RBFOX1: variants seen among roughly 807,000 people sequenced by gnomAD.
RBFOX1 encodes the protein RNA binding protein fox-1 homolog 1.
RBFOX1 carries 8 observed loss-of-function variants against 57.7 expected under a neutral mutation model. That is an observed-to-expected ratio of 0.14 (90% CI 0.08 to 0.25). The LOEUF is 0.25. Ranked by LOEUF, RBFOX1 falls within the 10% of genes least tolerant of loss-of-function variation. The probability of loss-of-function intolerance (pLI) is 1.00; values close to 1 mark genes in which losing one functional copy is unlikely to be tolerated. For synonymous variants in RBFOX1, 326 were observed against 222.4 expected, an observed-to-expected ratio of 1.47 and a Z score of -4.15; for missense variants, 611 against 548.5, an observed-to-expected ratio of 1.11 and a Z score of -1.14.
chr16:7,220,025 C>T (rs1193804134), intron 4 of RBFOX1, among the ~76,000 whole-genome samples: 2 of 152,122 alleles, frequency 1.3e-5, no homozygotes, highest in African/African-American at 4.8e-5. Flanking sequence ...ATTAAGCCTT[C>T]ATTTTAAAAT....
intron 3 of RBFOX1, among the ~76,000 whole-genome samples, chr16:6,662,524 G>C (rs911968946): frequency 6.6e-6 from 1 of 152,142 alleles, no homozygotes; most frequent in Non-Finnish European, 1.5e-5. Context: ...TTAGATTTCA[G>C]GTGGCAAATG....
At chr16:6,763,293 A>C (rs535963656) in intron 3 of RBFOX1, among the ~76,000 whole-genome samples, 26 of 151,086 alleles carry the variant, frequency 1.7e-4, no homozygotes, top group Non-Finnish European at 3.5e-4. Flanking sequence ...AAGCAAAGTC[A>C]TTGGAAAAAC....
At chr16:7,023,013 G>A (rs942072230) in intron 3 of RBFOX1, among the ~76,000 whole-genome samples, 1 of 152,180 alleles carries the variant, frequency 6.6e-6, no homozygotes, top group African/African-American at 2.4e-5. Flanking sequence ...GGCATTTAAT[G>A]TGAAGGTTGA....
intron 3 of RBFOX1, among the ~76,000 whole-genome samples, chr16:7,020,405 G>C (rs1392605906): frequency 1.3e-5 from 2 of 152,012 alleles, no homozygotes; most frequent in Non-Finnish European, 1.5e-5. Context: ...AGTTTTAGTA[G>C]AGATGAGGTT....
chr16:5,420,270 A>C (rs906846912), intron 1 of RBFOX1, among the ~76,000 whole-genome samples: 1 of 152,214 alleles, frequency 6.6e-6, no homozygotes, highest in African/African-American at 2.4e-5. Context: ...TGGTTGTTTT[A>C]GGTAACCAGG....
intron 3 of RBFOX1, among the ~76,000 whole-genome samples, chr16:6,669,852 G>T (rs1295553550): frequency 6.6e-6 from 1 of 152,206 alleles, no homozygotes; most frequent in East Asian, 1.9e-4. Context: ...CAGGCAGGCA[G>T]ATCTGATGGA....
chr16:6,348,148 G>A (rs1159702434), intron 2 of RBFOX1, among the ~76,000 whole-genome samples: 1 of 152,138 alleles, frequency 6.6e-6, no homozygotes, highest in African/African-American at 2.4e-5. Context: ...CTTTGCTCTT[G>A]GTTTTGAGCA....
intron 4 of RBFOX1, among the ~76,000 whole-genome samples, chr16:7,517,945 A>G (rs1034215812): frequency 1.3e-5 from 2 of 152,056 alleles, no homozygotes; most frequent in African/African-American, 4.8e-5. Flanking sequence ...CTGCATCTGT[A>G]AAATGGGGAG....
intron 3 of RBFOX1, among the ~76,000 whole-genome samples, chr16:6,712,391 T>A (rs569429368): frequency 6.6e-6 from 1 of 152,258 alleles, no homozygotes; most frequent in Non-Finnish European, 1.5e-5. Context: ...AACTAGATAA[T>A]CTGCCTAATG....
chr16:5,240,560 G>A (rs2062140202), intron 1 of RBFOX1, among the ~76,000 whole-genome samples: 1 of 152,194 alleles, frequency 6.6e-6, no homozygotes, highest in Non-Finnish European at 1.5e-5. Flanking sequence ...CGGGCTGGCG[G>A]CGCTCACCCA....
At chr16:5,407,629 A>T (rs574155464) in intron 1 of RBFOX1, among the ~76,000 whole-genome samples, 1 of 152,032 alleles carries the variant, frequency 6.6e-6, no homozygotes, top group Non-Finnish European at 1.5e-5. Flanking sequence ...GCTTACTGCA[A>T]CCTCTGGCTC....
intron 3 of RBFOX1, among the ~76,000 whole-genome samples, chr16:6,931,099 A>C (rs2076430494): frequency 6.6e-6 from 1 of 152,138 alleles, no homozygotes; most frequent in South Asian, 2.1e-4. Flanking sequence ...TATTGAATAA[A>C]TACTTATTGA....
intron 3 of RBFOX1, among the ~76,000 whole-genome samples, chr16:6,816,908 C>A (rs1052490345): frequency 6.6e-5 from 10 of 151,484 alleles, no homozygotes; most frequent in African/African-American, 2.4e-4. Flanking sequence ...CCATGCCTAG[C>A]TGTTTTTTTT....
chr16:6,864,027 C>G (rs1474597963), intron 3 of RBFOX1, among the ~76,000 whole-genome samples: 1 of 145,226 alleles, frequency 6.9e-6, no homozygotes, highest in African/African-American at 2.5e-5. Flanking sequence ...CCTTGCAAAA[C>G]CTCTAATTAA....
At chr16:6,026,353 G>A (rs1173996850) in intron 1 of RBFOX1, among the ~76,000 whole-genome samples, 2 of 152,218 alleles carry the variant, frequency 1.3e-5, no homozygotes, top group African/African-American at 4.8e-5. Flanking sequence ...TTTGAGGTTA[G>A]TGCTTTTCAG....
chr16:5,726,842 C>G (rs1678108001), intron 3 of RBFOX1, among the ~76,000 whole-genome samples: 4 of 152,142 alleles, frequency 2.6e-5, no homozygotes, highest in Admixed American at 2.6e-4. Flanking sequence ...AGCTTGGTGT[C>G]TCAGCTACAA....
chr16:6,442,559 A>T (rs956266829), intron 2 of RBFOX1, among the ~76,000 whole-genome samples: 2 of 135,612 alleles, frequency 1.5e-5, no homozygotes, highest in Admixed American at 1.4e-4. Flanking sequence ...AGAAAATAAA[A>T]AAAAAAGAAA....
intron 1 of RBFOX1, among the ~76,000 whole-genome samples, chr16:6,137,365 C>G (rs9940184): frequency 1.2e-3 from 190 of 152,192 alleles, no homozygotes; most frequent in African/African-American, 4.3e-3. Context: ...AGTGTAGTGG[C>G]GTGATCCCGG....
rs114320563 is a variant in RBFOX1 at position 5,341,734 on chromosome 16, G to A, written c.219+101629G>A. ...ATGCATCATACAGCTGGCCTTGACC[G>A]AGCCAGTGGGTGGATGGTGGCCCCT... is the stretch of plus-strand genomic sequence containing the variant. On this transcript the variant is annotated intron_variant, in intron 1 of 2. Coordinates refer to the RBFOX1 transcript ENST00000585867. 4.0e-3 allele frequency among the ~76,000 whole-genome samples: 615 copies of A among 152,312 alleles called. 4 individuals carry two copies. Among genetic ancestry groups the A allele is most frequent in the African/African-American group, 0.014 (574 of 41,570 alleles).
Sources: gnomAD v4.1 joint callset for allele counts (sites outside exome capture counted in the v4.1 genomes callset) on GRCh38, gnomAD v4.1.1 for gene constraint, MANE v1.5 for transcripts, NCBI Gene and HGNC (gene_info 2026-07-23, HGNC 2026-07-21) for gene names.